Variants in NLRP13 observed in about 807,000 individuals in gnomAD.
NLRP13 encodes NACHT, LRR and PYD domains-containing protein 13.
Under a neutral mutation model 94.4 loss-of-function variants are expected in NLRP13, and 82 were observed. The ratio of observed to expected loss-of-function variants is 0.87; its 90% CI spans 0.73 to 1.04. The LOEUF (loss-of-function observed/expected upper bound fraction) is 1.04, where lower values mean the gene tolerates loss of function less well. Among genes scored for constraint, NLRP13 ranks in the 50% least tolerant of loss-of-function variants. The probability of loss-of-function intolerance (pLI) is 0.00; values close to 1 mark genes in which losing one functional copy is unlikely to be tolerated. For missense variants in NLRP13, 1,426 were observed against 1,230.8 expected, an observed-to-expected ratio of 1.16 and a Z score of -2.37; for synonymous variants, 553 against 464.7, an observed-to-expected ratio of 1.19 and a Z score of -2.45.
chr19:55,906,051 G>A (rs1395051260), intron 7 of NLRP13, among the ~76,000 whole-genome samples: 1 of 152,072 alleles, frequency 6.6e-6, no homozygotes, highest in Non-Finnish European at 1.5e-5. Flanking sequence ...TAGGAAGAAA[G>A]AAGAGGCCAG....
intron 1 of NLRP13, among the ~76,000 whole-genome samples, chr19:55,930,842 A>G (rs1427847714): frequency 1.4e-5 from 2 of 147,164 alleles, no homozygotes; most frequent in Non-Finnish European, 3.0e-5. Context: ...GTGCACTAAG[A>G]CCAGACGGCT....
intron 1 of NLRP13, among the ~76,000 whole-genome samples, chr19:55,928,131 T>G (rs1319131064): frequency 1.3e-5 from 2 of 152,168 alleles, no homozygotes; most frequent in Non-Finnish European, 2.9e-5. Context: ...TTGAGAGGTA[T>G]CTTCCCCATG....
chr19:55,930,278 T>C (rs1323418101), intron 1 of NLRP13, among the ~76,000 whole-genome samples: 1 of 152,246 alleles, frequency 6.6e-6, no homozygotes, highest in Non-Finnish European at 1.5e-5. Context: ...TTGGGAAATT[T>C]ACTTAAGCTG....
In NLRP13 at chr19:55,903,770, C is replaced by G. The variant is rs35481097; in HGVS notation, c.2618+1172G>C. On this transcript the variant is annotated intron_variant, in intron 8 of 10. Transcript: ENST00000342929. ...CGAATCCATTGGCAAACCCCATTGGCTCTACCTTCCGATCTATCCTGAAAT... is the reference window on the plus strand; with the variant it reads ...CGAATCCATTGGCAAACCCCATTGGGTCTACCTTCCGATCTATCCTGAAAT... Among the ~76,000 whole-genome samples the G allele has an allele frequency of 5.6e-3, 847 of 152,216 alleles. 2 individuals carry two copies. Among genetic ancestry groups the G allele is most frequent in the Non-Finnish European group, 9.2e-3 (627 of 68,010 alleles).
rs1986923341 is a variant in NLRP13, at chr19:55,924,624, G to A, written c.423C>T (p.Asn141=). Residue 141 remains asparagine (N), a synonymous_variant, in exon 3 of 11, where the codon AAC becomes AAT. Transcript: ENST00000342929. ...NMQTQGCQDP[N]QEELDELEEE... ...CTTCTAGCTCGTCTAGTTCTTCTTG[G>A]TTTGGATCTTGGCATCCCTGGGTCT... 1.2e-5 allele frequency: 19 copies of A among 1,613,432 alleles called. No homozygotes were observed. The East Asian group carries it at 2.5e-4, about 21-fold the overall frequency.
At chr19:55,894,051 T>TTC (rs1360985242), downstream of NLRP13, among the ~76,000 whole-genome samples, 1 of 148,790 alleles carries the variant, frequency 6.7e-6, no homozygotes, top group African/African-American at 2.5e-5. Flanking sequence ...AACTTTTTTT[T>TTC]TTTTTTTTTT....
rs1422238811 is a variant in NLRP13 at position 55,912,528 on chromosome 19, G to C, written c.1289C>G (p.Thr430Ser). ...HSCSAPMVCW[T>S]VCSCLKQPKV... is the part of the protein sequence containing the mutation. ...CGGCTGCTTCAGACAGGAACATACG[G>C]TCCAACACACCATGGGGGCACTGCA... The change falls in exon 5 of 11, where the codon ACC becomes AGC. Residue 430 changes from threonine (T) to serine (S), a missense_variant. Transcript: ENST00000342929. 6.2e-7 allele frequency: 1 copy of C among 1,614,036 alleles called. No individual in the cohort carries two copies. Among genetic ancestry groups the C allele is most frequent in the African/African-American group, 1.3e-5 (1 of 74,924 alleles).
In NLRP13 at chr19:55,931,980, T is replaced by C; in HGVS notation, c.319+13A>G. ...CAAGCAGCCCTCCCGCCTTCCTTCT[T>C]GAGGACTCTCACCTTTCATCTCGGC... On this transcript the variant is annotated intron_variant, in intron 1 of 10. Transcript: ENST00000342929. 2.1e-5 allele frequency: 34 copies of C among 1,611,726 alleles called. No individual in the cohort carries two copies. Among genetic ancestry groups the C allele is most frequent in the Non-Finnish European group, 2.9e-5 (34 of 1,179,682 alleles).
Position 55,924,981 on chromosome 19 carries a change from A to G in NLRP13, c.374T>C (p.Leu125Pro), listed in dbSNP as rs766968805. 9.9e-6 allele frequency: 16 copies of G among 1,613,986 alleles called. No individual in the cohort carries two copies. The Admixed American group carries it at 1.0e-4, about 10-fold the overall frequency. The change falls in exon 2 of 11, where the codon CTA (leucine) becomes CCA (proline). Residue 125 changes from leucine (L) to proline (P), a missense_variant. By Grantham distance (98) the Leu-to-Pro change is moderately conservative (BLOSUM62 -3). Transcript: ENST00000342929. ...QDPTQEDLEM[L>P]EAAAGNMQTQ... ...AGTGTACACACCTGCTGCTGCTTCTAGCATCTCTAGATCTTCCTGGGTTGG... is the reference window on the plus strand; with the variant it reads ...AGTGTACACACCTGCTGCTGCTTCTGGCATCTCTAGATCTTCCTGGGTTGG...
chr19:55,904,976 G>A lies in NLRP13; in HGVS notation c.2584C>T (p.Leu862=). The part of the protein sequence containing the change: ...DDGIKLLCAA[L]THPKCALERL... ...TCTAAGGCACACTTGGGGTGAGTCA[G>A]GGCCGCACACAATAGCTTTATGCCA... The change falls in exon 8 of 11, where the codon CTG becomes TTG. Residue 862 remains leucine (L), a synonymous_variant. Coordinates refer to ENST00000342929, the MANE Select transcript of NLRP13 (RefSeq NM_176810.2). 3 of 1,614,050 alleles carry A rather than the reference G, an allele frequency of 1.9e-6. No individual in the cohort carries two copies. The highest frequency in any genetic ancestry group is 1.7e-4 in the Middle Eastern group (1 of 6,060).
Position 55,912,050 on chromosome 19 carries a change from AAAG to A in NLRP13, c.1764_1766del (p.Phe589del). 2.5e-6 allele frequency: 4 copies of A among 1,614,222 alleles called. No homozygotes were observed. Among genetic ancestry groups the A allele is most frequent in the Non-Finnish European group, 1.7e-6 (2 of 1,180,038 alleles). The stretch of plus-strand genomic sequence containing the variant: ...TTGCTATGTTTTTATTTAAAAGACC[AAAG>A]AAGAACAGAACCACTGGAGTCCAGT... On this transcript the variant is annotated inframe_deletion, in exon 5 of 11. Transcript: ENST00000342929.
rs1238726942 is a variant in NLRP13, at chr19:55,910,547, G to A, written c.2282+16C>T. ...TCCTAGGGTATCTTCTTGAGCTGCTGGCGTCTCACACTTACGTCAGTTTCT... is the reference window on the plus strand; with the variant it reads ...TCCTAGGGTATCTTCTTGAGCTGCTAGCGTCTCACACTTACGTCAGTTTCT... On this transcript the variant is annotated intron_variant, in intron 6 of 10. Coordinates refer to ENST00000342929, the MANE Select transcript of NLRP13 (RefSeq NM_176810.2). The A allele has an allele frequency of 1.3e-6, 2 of 1,570,638 alleles. No individual in the cohort carries two copies. Among genetic ancestry groups the A allele is most frequent in the South Asian group, 2.3e-5 (2 of 86,682 alleles).
chr19:55,894,487 T>A (rs927463455), downstream of NLRP13, among the ~76,000 whole-genome samples: 4 of 152,154 alleles, frequency 2.6e-5, no homozygotes, highest in African/African-American at 9.6e-5. Context: ...ACATCCTCAG[T>A]ACATTCCACC....
chr19:55,915,530 A>G (rs1986653889), intron 4 of NLRP13, among the ~76,000 whole-genome samples: 4 of 152,144 alleles, frequency 2.6e-5, no homozygotes, highest in African/African-American at 9.7e-5. Context: ...CCCGGGAGGC[A>G]GAGGTTGCAG....
chr19:55,898,370 C>T (rs1986073815), intron 10 of NLRP13, among the ~76,000 whole-genome samples: 2 of 152,042 alleles, frequency 1.3e-5, no homozygotes, highest in Admixed American at 1.3e-4. Flanking sequence ...CCTATACACC[C>T]AGCTAATTTT....
intron 5 of NLRP13, among the ~76,000 whole-genome samples, chr19:55,910,938 C>A (rs964156628): frequency 9.2e-5 from 14 of 152,130 alleles, no homozygotes; most frequent in African/African-American, 3.4e-4. Context: ...CATGGTGAAG[C>A]CCCGTCTGTA....
downstream of NLRP13, among the ~76,000 whole-genome samples, chr19:55,895,512 C>A (rs118036255): frequency 0.053 from 8,066 of 152,112 alleles, 275 homozygotes; most frequent in African/African-American, 0.094. Context: ...GTGAAACCCC[C>A]ATCTCTACAA....
At position 55,932,297 on chromosome 19, in the gene NLRP13, T is replaced by C. The variant is rs149740685; in HGVS notation, c.15A>G (p.Val5=). MNFS[V]ITCPNGGTNQ... ...TGGTACCACCGTTGGGGCAGGTGATTACAGAAAAGTTCATCTTGCCCAACA... is the reference window on the plus strand; with the variant it reads ...TGGTACCACCGTTGGGGCAGGTGATCACAGAAAAGTTCATCTTGCCCAACA... The change falls in exon 1 of 11, where the codon GTA becomes GTG. Residue 5 remains valine, a synonymous_variant. Transcript: ENST00000342929. 744 of 1,604,160 alleles carry C rather than the reference T, an allele frequency of 4.6e-4. 2 individuals carry two copies. The African/African-American group carries it at 8.6e-3, about 19-fold the overall frequency.
At chr19:55,895,452 G>A (rs1985981180), downstream of NLRP13, among the ~76,000 whole-genome samples, 1 of 152,004 alleles carries the variant, frequency 6.6e-6, no homozygotes, top group Non-Finnish European at 1.5e-5. Context: ...AGACGCCGAG[G>A]TGGGTGGATC....
Sources: allele counts gnomAD v4.1 joint callset (sites outside exome capture counted in the v4.1 genomes callset), GRCh38; gene constraint gnomAD v4.1.1; transcripts MANE v1.5; gene names NCBI Gene and HGNC (gene_info 2026-07-23, HGNC 2026-07-21).